The following CCDC141 variants were observed in gnomAD, a reference collection of about 807,000 sequenced individuals.
CCDC141 encodes coiled-coil domain-containing protein 141.
Under a neutral mutation model 181.0 loss-of-function variants are expected in CCDC141, and 168 were observed. The observed-to-expected ratio is 0.93, with a 90% confidence interval of 0.82 to 1.05. CCDC141 has a LOEUF of 1.05. Ranked by LOEUF, CCDC141 falls within the 50% of genes least tolerant of loss-of-function variation. CCDC141 has a pLI of 0.00. For synonymous variants in CCDC141, 666 were observed against 642.3 expected (o/e 1.04, Z -0.56); for missense variants, 1,902 against 1,788.5 (o/e 1.06, Z -1.14).
At chr2:178,946,375 C>G (rs2154377461) in intron 5 of CCDC141, among the ~76,000 whole-genome samples, 1 of 152,174 alleles carries the variant, frequency 6.6e-6, no homozygotes, top group East Asian at 1.9e-4. Flanking sequence ...CCCAAAAATT[C>G]AGTGAGCCCC....
At chr2:178,996,778 G>A (rs1692307423) in intron 2 of CCDC141, among the ~76,000 whole-genome samples, 1 of 152,170 alleles carries the variant, frequency 6.6e-6, no homozygotes, top group African/African-American at 2.4e-5. Flanking sequence ...CATTCTTGCA[G>A]AACCCTCTGG....
At chr2:178,824,457 T>C in the CCDC141 span, among the ~76,000 whole-genome samples, 1 of 151,736 alleles carries the variant, frequency 6.6e-6, no homozygotes, top group Non-Finnish European at 1.5e-5. Context: ...ACACCATCTC[T>C]ATTAAAAGCA....
chr2:178,890,166 C>T (rs1687078503), intron 8 of CCDC141, among the ~76,000 whole-genome samples: 2 of 151,886 alleles, frequency 1.3e-5, no homozygotes, highest in African/African-American at 2.4e-5. Flanking sequence ...TGGGCAAACA[C>T]GTAGAGAAGA....
chr2:178,883,267 C>T (rs2154370309), intron 11 of CCDC141, among the ~76,000 whole-genome samples: 1 of 152,082 alleles, frequency 6.6e-6, no homozygotes, highest in East Asian at 1.9e-4. Flanking sequence ...TGCCAAACCA[C>T]AAGAGTTTAG....
chr2:178,884,186 T>A (rs1334643428), intron 11 of CCDC141, among the ~76,000 whole-genome samples: 1 of 150,606 alleles, frequency 6.6e-6, no homozygotes, highest in Non-Finnish European at 1.5e-5. Flanking sequence ...GTATGATTTT[T>A]AATACAACAA....
intron 8 of CCDC141, among the ~76,000 whole-genome samples, chr2:178,892,310 C>T (rs573697388): frequency 6.6e-6 from 1 of 152,244 alleles, no homozygotes; most frequent in South Asian, 2.1e-4. Context: ...GTGTGTACTC[C>T]ACTCTCACAT....
the CCDC141 span, among the ~76,000 whole-genome samples, chr2:178,821,296 A>C: frequency 6.6e-6 from 1 of 152,186 alleles, no homozygotes; most frequent in Non-Finnish European, 1.5e-5. Flanking sequence ...AGAATTTGTT[A>C]TGACTGCCAA....
In CCDC141 at chr2:178,856,249, C is replaced by T; in HGVS notation, c.2865+8G>A. 6.2e-7 allele frequency: 1 copy of T among 1,601,616 alleles called. No homozygotes were observed. Among genetic ancestry groups the T allele is most frequent in the East Asian group, 2.2e-5 (1 of 44,734 alleles). ...TGCGCACATATACAAACCATACTTTCTTGTTACCTGCATTTTTTCAGCATA... is the reference window on the plus strand; with the variant it reads ...TGCGCACATATACAAACCATACTTTTTTGTTACCTGCATTTTTTCAGCATA... On this transcript the variant is annotated splice_region_variant and intron_variant, in intron 18 of 23. Coordinates refer to ENST00000443758, the MANE Select transcript of CCDC141 (RefSeq NM_173648.4).
Position 179,015,495 on chromosome 2 carries a change from TGC to T in CCDC141, c.225+31787_225+31788del, listed in dbSNP as rs370964949. On this transcript the variant is annotated intron_variant, in intron 2 of 23. Transcript: ENST00000443758. ...ATATGTGCCATATATATCATATATG[TGC>T]CATATATATCATATATGTATCACAT... is the stretch of plus-strand genomic sequence containing the variant. 3.0e-4 allele frequency among the ~76,000 whole-genome samples: 40 copies of T among 133,300 alleles called. 2 individuals carry two copies. The East Asian group carries it at 8.8e-3, about 29-fold the overall frequency. 87.4% of individuals were successfully genotyped at this position (133,300 alleles called of 152,430 possible). A position where few individuals can be genotyped will look rare whatever the true frequency, so the allele number is the denominator to read the frequency against.
At chr2:178,951,713 G>A (rs1020028339) in intron 5 of CCDC141, among the ~76,000 whole-genome samples, 6 of 152,152 alleles carry the variant, frequency 3.9e-5, no homozygotes, top group African/African-American at 1.4e-4. Flanking sequence ...CCAGGGGTAC[G>A]GAAGGAAAAG....
chr2:178,850,257 C>A (rs1291803178), intron 20 of CCDC141, 96 bp from the exon 21 acceptor site: 1 of 654,232 alleles, frequency 1.5e-6, no homozygotes, highest in Non-Finnish European at 2.7e-6. Flanking sequence ...AGTGTAAGGG[C>A]TGATAAATTG....
chr2:178,987,341 A>G (rs374427386), intron 2 of CCDC141, among the ~76,000 whole-genome samples: 15 of 152,136 alleles, frequency 9.9e-5, no homozygotes, highest in African/African-American at 3.6e-4. Flanking sequence ...AGACTTAAAC[A>G]TTAGACCTAA....
chr2:178,986,750 C>G (rs1417801115), intron 2 of CCDC141, among the ~76,000 whole-genome samples: 1 of 151,852 alleles, frequency 6.6e-6, no homozygotes, highest in Non-Finnish European at 1.5e-5. Context: ...CCTAGGAATC[C>G]AACGTACAAG....
chr2:178,973,062 ATATTT>A (rs1349718814), intron 4 of CCDC141, among the ~76,000 whole-genome samples: 1 of 152,226 alleles, frequency 6.6e-6, no homozygotes, highest in Non-Finnish European at 1.5e-5. Context: ...ACTTATAGAC[ATATTT>A]TATTTCCTTA....
chr2:178,865,289 G>A (rs1435828375), intron 17 of CCDC141, among the ~76,000 whole-genome samples: 1 of 152,178 alleles, frequency 6.6e-6, no homozygotes, highest in African/African-American at 2.4e-5. Context: ...AAAGCAAAGT[G>A]TCTGCTCCCT....
chr2:178,946,381 GC>G (rs1689734228), intron 5 of CCDC141, among the ~76,000 whole-genome samples: 1 of 151,920 alleles, frequency 6.6e-6, no homozygotes, highest in African/African-American at 2.4e-5. Flanking sequence ...AATTCAGTGA[GC>G]CCCCATAAAA....
At chr2:179,046,860 C>T (rs2043514153) in intron 2 of CCDC141, among the ~76,000 whole-genome samples, 1 of 152,158 alleles carries the variant, frequency 6.6e-6, no homozygotes, top group East Asian at 1.9e-4. Flanking sequence ...TAATACTAAG[C>T]ACAGAATCAG....
chr2:179,043,859 T>C (rs1486330431), intron 2 of CCDC141, among the ~76,000 whole-genome samples: 2 of 152,188 alleles, frequency 1.3e-5, no homozygotes, highest in African/African-American at 4.8e-5. Context: ...GAAGTAAAAC[T>C]ATCTTTGCAG....
At chr2:178,956,624 A>T (rs1198321329) in intron 5 of CCDC141, among the ~76,000 whole-genome samples, 2 of 152,210 alleles carry the variant, frequency 1.3e-5, no homozygotes, top group African/African-American at 4.8e-5. Context: ...TTTTATATTT[A>T]AGGAAATGAC....
Sources: allele counts gnomAD v4.1 joint callset (sites outside exome capture counted in the v4.1 genomes callset), GRCh38; gene constraint gnomAD v4.1.1; transcripts MANE v1.5; gene names NCBI Gene and HGNC (gene_info 2026-07-23, HGNC 2026-07-21).